The following DNAH9 variants were observed in gnomAD, a reference collection of about 807,000 sequenced individuals.
DNAH9 encodes the protein dynein axonemal heavy chain 9, also known as DNAH9 variant protein.
Under a neutral mutation model 471.6 loss-of-function variants are expected in DNAH9, and 345 were observed. That is an observed-to-expected ratio of 0.73 (90% CI 0.67 to 0.80). The LOEUF (loss-of-function observed/expected upper bound fraction) is 0.80. Among genes scored for constraint, DNAH9 ranks in the 30% least tolerant of loss-of-function variants. The pLI is 0.00. For missense variants in DNAH9, 5,407 were observed against 5,609.2 expected, an observed-to-expected ratio of 0.96 and a Z score of 1.15; for synonymous variants, 2,093 against 2,123.6, an observed-to-expected ratio of 0.99 and a Z score of 0.40.
Position 11,622,968 on chromosome 17 carries a change from CTTTTTTTTT to C in DNAH9, c.1350+3198_1350+3206del, listed in dbSNP as rs10551080. On this transcript the variant is annotated intron_variant, in intron 6 of 68. Transcript: ENST00000262442. Reference sequence around the variant, plus strand: ...GCTCCTTTTCTTTTCTTTTCTTTTTCTTTTTTTTTTTTTTTTTTTCTCGAGATGGAGTTT... The same window carrying C: ...GCTCCTTTTCTTTTCTTTTCTTTTTCTTTTTTTTTTCTCGAGATGGAGTTT... Among the ~76,000 whole-genome samples the C allele has an allele frequency of 9.3e-4, 98 of 105,384 alleles. 1 individual carries two copies. In the East Asian group the frequency reaches 0.011, roughly 11 times the overall value. 69.1% of individuals were successfully genotyped at this position (105,384 alleles called of 152,430 possible). A position where few individuals can be genotyped will look rare whatever the true frequency, so the allele number is the denominator to read the frequency against.
chr17:11,788,071 G>C (rs1968933580), intron 41 of DNAH9, among the ~76,000 whole-genome samples: 1 of 152,184 alleles, frequency 6.6e-6, no homozygotes, highest in Non-Finnish European at 1.5e-5. Context: ...ATGGTGCAGA[G>C]TTGGCATATG....
intron 48 of DNAH9, among the ~76,000 whole-genome samples, chr17:11,830,212 C>T (rs1386034787): frequency 1.3e-5 from 2 of 152,228 alleles, no homozygotes; most frequent in African/African-American, 4.8e-5. Flanking sequence ...TTTCTCTTGG[C>T]ATTGCCTGGT....
intron 32 of DNAH9, among the ~76,000 whole-genome samples, 185 bp from the exon 33 acceptor site, chr17:11,752,648 A>G (rs1436548071): frequency 6.6e-6 from 1 of 152,182 alleles, no homozygotes; most frequent in African/African-American, 2.4e-5. Flanking sequence ...GCCTGGCAAC[A>G]GAGCAAGCCT....
intron 29 of DNAH9, among the ~76,000 whole-genome samples, chr17:11,741,116 T>C (rs918189244): frequency 6.6e-6 from 1 of 152,186 alleles, no homozygotes; most frequent in Non-Finnish European, 1.5e-5. Flanking sequence ...ATTTGGTTGC[T>C]CCTTTGAATT....
At chr17:11,899,639 G>A (rs542591133) in intron 59 of DNAH9, among the ~76,000 whole-genome samples, 1 of 152,350 alleles carries the variant, frequency 6.6e-6, no homozygotes, top group East Asian at 1.9e-4. Flanking sequence ...TGATCACAGT[G>A]TAATTTGCTC....
At chr17:11,956,701 C>G (rs1390680005) in intron 67 of DNAH9, among the ~76,000 whole-genome samples, 1 of 151,680 alleles carries the variant, frequency 6.6e-6, no homozygotes. Flanking sequence ...AATTAAATAG[C>G]ATATTTCTAA....
In DNAH9 at chr17:11,742,349, G is replaced by A. The variant is rs115617537; in HGVS notation, c.6111+36G>A. 125 of 1,600,100 alleles carry A rather than the reference G, an allele frequency of 7.8e-5. No homozygotes were observed. The African/African-American group carries it at 1.4e-3, about 18-fold the overall frequency. On this transcript the variant is annotated intron_variant, in intron 30 of 68. Transcript: ENST00000262442. Reference sequence around the variant, plus strand: ...TAGGGAGGCTGTACAACCAAGCACCGTGCAACAGCCCCAGCTCTGGAAAAG... The same window carrying A: ...TAGGGAGGCTGTACAACCAAGCACCATGCAACAGCCCCAGCTCTGGAAAAG...
At chr17:11,964,661 C>A (rs1976538686) in intron 68 of DNAH9, among the ~76,000 whole-genome samples, 1 of 152,132 alleles carries the variant, frequency 6.6e-6, no homozygotes, top group African/African-American at 2.4e-5. Flanking sequence ...AGTGTTTACT[C>A]AAGCAAAACA....
At chr17:11,969,173 G>C in intron 68 of DNAH9, 127 bp from the exon 69 acceptor site, 2 of 743,132 alleles carry the variant, frequency 2.7e-6, no homozygotes, top group Non-Finnish European at 4.4e-6. Context: ...AAACCTGGAA[G>C]GGGGCAGGCA....
intron 27 of DNAH9, among the ~76,000 whole-genome samples, chr17:11,721,685 G>T (rs2075062458): frequency 6.6e-6 from 1 of 152,054 alleles, no homozygotes; most frequent in South Asian, 2.1e-4. Flanking sequence ...ATAAATGATA[G>T]ATGAATGATT....
At chr17:11,646,642 A>G (rs960624295) in intron 11 of DNAH9, among the ~76,000 whole-genome samples, 1 of 152,154 alleles carries the variant, frequency 6.6e-6, no homozygotes, top group Non-Finnish European at 1.5e-5. Context: ...GGCCGGGTGC[A>G]GTGGCTCAAG....
At chr17:11,690,981 A>G (rs1190311632) in intron 20 of DNAH9, among the ~76,000 whole-genome samples, 2 of 152,184 alleles carry the variant, frequency 1.3e-5, no homozygotes, top group East Asian at 3.9e-4. Context: ...CCTTCTAATT[A>G]GTTCTAATTA....
At chr17:11,844,342 T>C (rs1018853842) in intron 49 of DNAH9, among the ~76,000 whole-genome samples, 1 of 152,206 alleles carries the variant, frequency 6.6e-6, no homozygotes, top group Non-Finnish European at 1.5e-5. Flanking sequence ...TTTGATATTT[T>C]GTACATTAAT....
At position 11,689,681 on chromosome 17, in the gene DNAH9, C is replaced by T; in HGVS notation, c.3859C>T (p.Pro1287Ser). 2 of 1,614,072 alleles carry T rather than the reference C, an allele frequency of 1.2e-6. No homozygotes were observed. The highest frequency in any genetic ancestry group is 1.7e-6 in the Non-Finnish European group (2 of 1,179,992). The change falls in exon 20 of 69, where the codon CCT becomes TCT. Residue 1287 changes from proline to serine, a missense_variant. Pro to Ser is a moderately conservative substitution (Grantham distance 74). Around this residue, in one of 3 missense-constraint regions of DNAH9, gnomAD observed 4,636 missense variants for 4,900.3 expected, o/e 0.95. Coordinates refer to ENST00000262442, the MANE Select transcript of DNAH9 (RefSeq NM_001372.4). The part of the protein sequence containing the change: ...ESASLFEVNV[P>S]DYKQLRQCRK... ...TGCCAGCTTATTTGAAGTCAATGTCCCTGACTATAAGCAGCTGAGGCAGTG... is the reference window on the plus strand; with the variant it reads ...TGCCAGCTTATTTGAAGTCAATGTCTCTGACTATAAGCAGCTGAGGCAGTG...
intron 22 of DNAH9, among the ~76,000 whole-genome samples, chr17:11,695,049 G>A (rs557644371): frequency 3.3e-5 from 5 of 150,546 alleles, no homozygotes; most frequent in Admixed American, 6.7e-5. Context: ...CCACCATGCC[G>A]ACTGATTTTT....
intron 48 of DNAH9, among the ~76,000 whole-genome samples, chr17:11,832,979 T>A (rs1207393805): frequency 1.3e-5 from 2 of 152,198 alleles, no homozygotes; most frequent in East Asian, 3.8e-4. Context: ...AGAGTCACCG[T>A]TAAAACAGAT....
intron 22 of DNAH9, among the ~76,000 whole-genome samples, chr17:11,698,639 A>T (rs2074536036): frequency 6.6e-6 from 1 of 151,990 alleles, no homozygotes. Flanking sequence ...GGTTGTTCTA[A>T]ATTTAGCATT....
chr17:11,648,479 A>G (rs949761439), intron 12 of DNAH9, among the ~76,000 whole-genome samples: 1 of 152,318 alleles, frequency 6.6e-6, no homozygotes, highest in African/African-American at 2.4e-5. Context: ...TAATATAGTA[A>G]TTAAGCCCTT....
At chr17:11,728,872 T>C (rs1358992250) in intron 28 of DNAH9, among the ~76,000 whole-genome samples, 1 of 152,218 alleles carries the variant, frequency 6.6e-6, no homozygotes, top group Non-Finnish European at 1.5e-5. Flanking sequence ...AGGAGAACTG[T>C]ATCTTGTCCA....
Sources: allele counts gnomAD v4.1 joint callset (sites outside exome capture counted in the v4.1 genomes callset), GRCh38; gene constraint gnomAD v4.1.1; regional missense constraint gnomAD v4.1.1; transcripts MANE v1.5; gene names NCBI Gene and HGNC (gene_info 2026-07-23, HGNC 2026-07-21).